Variants in ANGPTL2 observed in about 807,000 individuals in gnomAD.
ANGPTL2 encodes the protein angiopoietin-related protein 2.
In ANGPTL2, 25 loss-of-function variants were observed where a neutral mutation model predicts 52.8. That is an observed-to-expected ratio of 0.47 (90% confidence interval 0.35 to 0.66). The LOEUF is 0.66. Among genes scored for constraint, ANGPTL2 ranks in the 30% least tolerant of loss-of-function variants. ANGPTL2 has a pLI of 0.01. For synonymous variants in ANGPTL2, 276 were observed against 277.4 expected (o/e 1.00, Z 0.05); for missense variants, 546 against 656.9 (o/e 0.83, Z 1.84).
chr9:127,107,729 T>C (rs1212332073), intron 2 of ANGPTL2, among the ~76,000 whole-genome samples, 186 bp downstream of exon 2: 1 of 152,186 alleles, frequency 6.6e-6, no homozygotes, highest in East Asian at 1.9e-4. Context: ...CTAAGGAATG[T>C]GGTTCCCCTG....
Position 127,108,137 on chromosome 9 carries a change from G to C in ANGPTL2, c.595C>G (p.Gln199Glu). Residue 199 changes from glutamine (Q) to glutamate (E), a missense_variant, in exon 2 of 5, where the codon CAG becomes GAG. By Grantham distance (29) the Gln-to-Glu change is conservative. This residue lies in a region of ANGPTL2 where 285 missense variants were observed against 295.8 expected (regional missense o/e 0.96). Coordinates refer to ENST00000373425, the MANE Select transcript of ANGPTL2 (RefSeq NM_012098.3). ...ACCCTCTGGCAGTGCTCCTCAAGCT[G>C]CGCGATGATCTCTGATTGGTTGTGG... ...LAHNQSEIIA[Q>E]LEEHCQRVPS... The C allele has an allele frequency of 6.2e-7, 1 of 1,614,062 alleles. No individual in the cohort carries two copies. The highest frequency in any genetic ancestry group is 1.7e-4 in the Middle Eastern group (1 of 6,060).
At position 127,088,447 on chromosome 9, in the gene ANGPTL2, T is replaced by C. The variant is rs1326604282; in HGVS notation, c.*492A>G. 6.0e-6 allele frequency: 1 copy of C among 167,386 alleles called. No individual in the cohort carries two copies. Among genetic ancestry groups the C allele is most frequent in the Non-Finnish European group, 1.3e-5 (1 of 77,222 alleles). 10.4% of individuals were successfully genotyped at this position (167,386 alleles called of 1,614,324 possible). A position where few individuals can be genotyped will look rare whatever the true frequency, so the allele number is the denominator to read the frequency against. Reference sequence around the variant, plus strand: ...AAGTAATACAACACTAATGAAATGCTTTTCTCCTAAGAGCAAAGCTGCTGG... The same window carrying C: ...AAGTAATACAACACTAATGAAATGCCTTTCTCCTAAGAGCAAAGCTGCTGG... On this transcript the variant is annotated 3_prime_UTR_variant, in exon 5 of 5. Coordinates refer to ENST00000373425, the MANE Select transcript of ANGPTL2 (RefSeq NM_012098.3).
rs370600909 is a variant in ANGPTL2 at position 127,088,983 on chromosome 9, T to C, written c.1438A>G (p.Lys480Glu). 4 of 1,613,952 alleles carry C rather than the reference T, an allele frequency of 2.5e-6. No homozygotes were observed. The highest frequency in any genetic ancestry group is 3.4e-6 in the Non-Finnish European group (4 of 1,180,004). ...EFRGGSYSLK[K>E]VVMMIRPNPN... ...TTCGGTCGGATCATCATCACCACTT[T>C]CTTGAGTGAGTAAGAGCCTCCTCGG... The change falls in exon 5 of 5, where the codon AAA becomes GAA. Residue 480 changes from lysine to glutamate, a missense_variant. Physicochemically the swap from Lys to Glu is moderately conservative, Grantham distance 56 (BLOSUM62 1). Transcript: ENST00000373425.
chr9:127,107,767 G>T, intron 2 of ANGPTL2, 148 bp downstream of exon 2: 2 of 750,536 alleles, frequency 2.7e-6, no homozygotes, highest in Non-Finnish European at 4.0e-6. Context: ...GGCTCCAGCA[G>T]CTCAGCCCAA....
At chr9:127,104,032 C>T (rs2053989825) in intron 2 of ANGPTL2, among the ~76,000 whole-genome samples, 1 of 152,218 alleles carries the variant, frequency 6.6e-6, no homozygotes, top group African/African-American at 2.4e-5. Flanking sequence ...GGGTCGATCT[C>T]TGCTCTGCCA....
chr9:127,120,638 G>A (rs941921067), intron 1 of ANGPTL2, among the ~76,000 whole-genome samples: 15 of 152,124 alleles, frequency 9.9e-5, no homozygotes, highest in Admixed American at 2.6e-4. Context: ...CCTGGCTAAC[G>A]TGGTGAAACC....
Position 127,089,027 on chromosome 9 carries a change from C to T in ANGPTL2, c.1394G>A (p.Gly465Glu). ...TCCTCGGAACTCAGCCCAGTAGACT[C>T]CGTCCTGGTAGCGGCTCCGGTAATG... is the stretch of plus-strand genomic sequence containing the variant. ...GGHYRSRYQD[G>E]VYWAEFRGGS... The change falls in exon 5 of 5, where the codon GGA (glycine) becomes GAA (glutamate). Residue 465 changes from glycine (G) to glutamate (E), a missense_variant. Gly to Glu is a moderately conservative substitution (Grantham distance 98). This residue lies in a region of ANGPTL2 where 261 missense variants were observed against 361.0 expected (regional missense o/e 0.72). Coordinates refer to ENST00000373425, the MANE Select transcript of ANGPTL2 (RefSeq NM_012098.3). 6.2e-7 allele frequency: 1 copy of T among 1,614,218 alleles called. No homozygotes were observed. The highest frequency in any genetic ancestry group is 8.5e-7 in the Non-Finnish European group (1 of 1,180,044).
chr9:127,101,759 A>C (rs560316162), intron 2 of ANGPTL2, among the ~76,000 whole-genome samples: 1 of 152,144 alleles, frequency 6.6e-6, no homozygotes, highest in East Asian at 1.9e-4. Context: ...TTTGGACCCT[A>C]CTCTAGACAT....
chr9:127,114,336 G>A (rs1422479676), intron 1 of ANGPTL2, among the ~76,000 whole-genome samples: 4 of 152,170 alleles, frequency 2.6e-5, no homozygotes, highest in Non-Finnish European at 5.9e-5. Flanking sequence ...TTTGAGGATC[G>A]TGAGTCATTT....
chr9:127,120,517 G>C (rs192175066), intron 1 of ANGPTL2, among the ~76,000 whole-genome samples: 1 of 152,344 alleles, frequency 6.6e-6, no homozygotes, highest in East Asian at 1.9e-4. Context: ...GATATGTCCA[G>C]AACAGGGAAA....
intron 2 of ANGPTL2, among the ~76,000 whole-genome samples, chr9:127,095,731 A>C (rs1225226842): frequency 6.6e-6 from 1 of 152,208 alleles, no homozygotes; most frequent in Non-Finnish European, 1.5e-5. Flanking sequence ...CACACTTCTC[A>C]GATTCCTTCC....
Position 127,093,934 on chromosome 9 carries a change from C to A in ANGPTL2, c.818-8G>T. The A allele has an allele frequency of 6.2e-7, 1 of 1,612,952 alleles. No individual in the cohort carries two copies. The highest frequency in any genetic ancestry group is 8.5e-7 in the Non-Finnish European group (1 of 1,179,852). Reference sequence around the variant, plus strand: ...GGCAGTCTCTCCATGGGCCTGGGGACACAGACATGCATATACATCACAGAC... The same window carrying A: ...GGCAGTCTCTCCATGGGCCTGGGGAAACAGACATGCATATACATCACAGAC... On this transcript the variant is annotated splice_polypyrimidine_tract_variant and splice_region_variant and intron_variant, in intron 2 of 4. Coordinates refer to ENST00000373425, the MANE Select transcript of ANGPTL2 (RefSeq NM_012098.3).
chr9:127,092,773 T>G, intron 3 of ANGPTL2, among the ~76,000 whole-genome samples: 1 of 148,918 alleles, frequency 6.7e-6, no homozygotes, highest in Non-Finnish European at 1.5e-5. Context: ...AAAGGAGGAG[T>G]CTCCCGCTCC....
At chr9:127,113,635 A>T (rs577822344) in intron 1 of ANGPTL2, among the ~76,000 whole-genome samples, 8 of 152,332 alleles carry the variant, frequency 5.3e-5, no homozygotes, top group African/African-American at 1.9e-4. Flanking sequence ...TGGCTTCAGA[A>T]TTAAAATAAA....
Position 127,088,862 on chromosome 9 carries a change from T to A in ANGPTL2, c.*77A>T, listed in dbSNP as rs1031976761. The A allele has an allele frequency of 6.9e-5, 106 of 1,546,618 alleles. No individual in the cohort carries two copies. Among genetic ancestry groups the A allele is most frequent in the Non-Finnish European group, 8.6e-5 (96 of 1,122,236 alleles). On this transcript the variant is annotated 3_prime_UTR_variant, in exon 5 of 5. Coordinates refer to ENST00000373425, the MANE Select transcript of ANGPTL2 (RefSeq NM_012098.3). ...GCCTCAGGATGAACTGGTGAGGAGT[T>A]GTTCTTTGTGCTGTGGCCAGCGTGA...
intron 1 of ANGPTL2, among the ~76,000 whole-genome samples, chr9:127,110,716 A>G (rs911201069): frequency 6.6e-6 from 1 of 152,164 alleles, no homozygotes; most frequent in Non-Finnish European, 1.5e-5. Context: ...GCTCAGGCCG[A>G]AAGTCTTGAA....
At chr9:127,118,487 G>T (rs1052362006) in intron 1 of ANGPTL2, among the ~76,000 whole-genome samples, 2 of 152,230 alleles carry the variant, frequency 1.3e-5, no homozygotes, top group African/African-American at 4.8e-5. Flanking sequence ...CAGTGTGGTT[G>T]TCCAGGATGG....
intron 1 of ANGPTL2, among the ~76,000 whole-genome samples, chr9:127,118,920 G>T (rs1017785027): frequency 3.9e-5 from 6 of 152,190 alleles, no homozygotes; most frequent in African/African-American, 1.4e-4. Context: ...CTCAGAAATT[G>T]CTCGTGTGTG....
intron 2 of ANGPTL2, among the ~76,000 whole-genome samples, chr9:127,106,282 A>C (rs78030024): frequency 6.6e-6 from 1 of 152,196 alleles, no homozygotes; most frequent in Non-Finnish European, 1.5e-5. Context: ...TCGGTATTCT[A>C]TCAAGACAAA....
Sources: gnomAD v4.1 joint callset for allele counts (sites outside exome capture counted in the v4.1 genomes callset) on GRCh38, gnomAD v4.1.1 for gene constraint, gnomAD v4.1.1 regional missense constraint, MANE v1.5 for transcripts, NCBI Gene and HGNC (gene_info 2026-07-23, HGNC 2026-07-21) for gene names.